CTNNA3: variants seen among roughly 807,000 people sequenced by gnomAD.
The protein encoded by CTNNA3 is catenin alpha 3, also known as catenin alpha-3.
CTNNA3 carries 76 observed loss-of-function variants against 95.7 expected under a neutral mutation model. The observed-to-expected ratio is 0.79, with a 90% confidence interval of 0.66 to 0.96. The LOEUF (loss-of-function observed/expected upper bound fraction) is 0.96, where lower values mean the gene tolerates loss of function less well. Among genes scored for constraint, CTNNA3 ranks in the 40% least tolerant of loss-of-function variants. The pLI is 0.00. For synonymous variants in CTNNA3, 431 were observed against 374.4 expected, an observed-to-expected ratio of 1.15 and a Z score of -1.74; for missense variants, 1,191 against 1,089.8, an observed-to-expected ratio of 1.09 and a Z score of -1.31.
At chr10:67,229,175 A>G (rs971186175) in intron 5 of CTNNA3, among the ~76,000 whole-genome samples, 1 of 152,234 alleles carries the variant, frequency 6.6e-6, no homozygotes, top group South Asian at 2.1e-4. Context: ...TATGCAAGTC[A>G]ATAAATGTGA....
At chr10:66,889,558 A>T (rs771190460) in intron 7 of CTNNA3, among the ~76,000 whole-genome samples, 2 of 152,190 alleles carry the variant, frequency 1.3e-5, no homozygotes, top group Non-Finnish European at 2.9e-5. Context: ...AAAAAAAGAA[A>T]AAAAGATGAC....
chr10:66,500,706 A>C (rs1430832688), intron 11 of CTNNA3, among the ~76,000 whole-genome samples: 4 of 152,168 alleles, frequency 2.6e-5, no homozygotes, highest in Non-Finnish European at 5.9e-5. Flanking sequence ...AATTATTTAG[A>C]TACACAAAAA....
intron 11 of CTNNA3, among the ~76,000 whole-genome samples, chr10:66,449,478 A>C (rs539202231): frequency 6.6e-6 from 1 of 152,220 alleles, no homozygotes; most frequent in African/African-American, 2.4e-5. Flanking sequence ...CAATTGTTTG[A>C]TTTTTGGCAT....
intron 15 of CTNNA3, among the ~76,000 whole-genome samples, chr10:66,000,804 A>G (rs2078756055): frequency 6.6e-6 from 1 of 152,188 alleles, no homozygotes; most frequent in East Asian, 1.9e-4. Context: ...GCAGATGAGC[A>G]AACTGACGAA....
chr10:66,488,975 G>A (rs1027256212), intron 11 of CTNNA3, among the ~76,000 whole-genome samples: 4 of 152,098 alleles, frequency 2.6e-5, no homozygotes, highest in African/African-American at 4.8e-5. Flanking sequence ...TCATTGAGAA[G>A]TAAGTGAAGT....
At chr10:67,401,883 C>T (rs757926676) in intron 5 of CTNNA3, among the ~76,000 whole-genome samples, 2 of 152,104 alleles carry the variant, frequency 1.3e-5, no homozygotes, top group South Asian at 2.1e-4. Flanking sequence ...AATTCTGCAA[C>T]GAAGACACCA....
At chr10:67,379,035 C>T (rs1447680825) in intron 5 of CTNNA3, among the ~76,000 whole-genome samples, 1 of 152,154 alleles carries the variant, frequency 6.6e-6, no homozygotes, top group East Asian at 1.9e-4. Flanking sequence ...GTGTACCTAA[C>T]TGCATCAACC....
chr10:66,939,408 A>G (rs1048364303), intron 7 of CTNNA3, among the ~76,000 whole-genome samples: 2 of 152,216 alleles, frequency 1.3e-5, no homozygotes, highest in Non-Finnish European at 2.9e-5. Flanking sequence ...CTGAGTTAAA[A>G]GGAAAATACT....
chr10:66,870,839 T>G (rs780617129), intron 7 of CTNNA3, among the ~76,000 whole-genome samples: 2 of 152,138 alleles, frequency 1.3e-5, no homozygotes, highest in Non-Finnish European at 2.9e-5. Context: ...CCATAGATTC[T>G]CATACCTAAA....
intron 3 of CTNNA3, among the ~76,000 whole-genome samples, chr10:67,566,879 G>A (rs1232821750): frequency 2.6e-5 from 4 of 151,978 alleles, no homozygotes; most frequent in African/African-American, 7.2e-5. Flanking sequence ...TAGGGACATG[G>A]ATGAAATTGG....
intron 9 of CTNNA3, among the ~76,000 whole-genome samples, chr10:66,693,236 C>A (rs911526907): frequency 1.3e-5 from 2 of 151,976 alleles, no homozygotes; most frequent in Non-Finnish European, 2.9e-5. Flanking sequence ...CAGAGACACA[C>A]ATAGGCTCAA....
At chr10:66,268,068 CTG>C (rs1293715029) in intron 13 of CTNNA3, among the ~76,000 whole-genome samples, 4 of 151,864 alleles carry the variant, frequency 2.6e-5, no homozygotes, top group Admixed American at 6.6e-5. Context: ...TAAAAAATAA[CTG>C]TTATTGTTGA....
chr10:66,185,926 ACT>A (rs979699109), intron 13 of CTNNA3, among the ~76,000 whole-genome samples: 7 of 150,980 alleles, frequency 4.6e-5, no homozygotes, highest in Admixed American at 6.6e-5. Context: ...CTCATCACAC[ACT>A]CTCTCTCTCT....
rs183614821 is a variant in CTNNA3 at position 66,205,759 on chromosome 10, T to C, written c.1884+74711A>G. On this transcript the variant is annotated intron_variant, in intron 13 of 17. Transcript: ENST00000433211. ...TTTTTAAATTCATTGCGATCTGACTTATAATAATATAAAATGATCCATTTA... is the reference window on the plus strand; with the variant it reads ...TTTTTAAATTCATTGCGATCTGACTCATAATAATATAAAATGATCCATTTA... Among the ~76,000 whole-genome samples, 154 of 152,126 alleles carry C rather than the reference T, an allele frequency of 1.0e-3. 1 individual carries two copies. The highest frequency in any genetic ancestry group is 3.6e-3 in the African/African-American group (148 of 41,572).
rs993665874 is a variant in CTNNA3, at chr10:67,249,119, T to C, written c.580-29249A>G. Among the ~76,000 whole-genome samples, 4 of 152,122 alleles carry C rather than the reference T, an allele frequency of 2.6e-5. 1 individual carries two copies. In the South Asian group the frequency reaches 8.3e-4, roughly 32 times the overall value. On this transcript the variant is annotated intron_variant, in intron 5 of 17. Transcript: ENST00000433211. ...CACATTTCATGAAAACTAAAAAATT[T>C]TGCTTATCAAAGAGTACTATAAAGT...
intron 5 of CTNNA3, among the ~76,000 whole-genome samples, chr10:67,389,083 A>G (rs1257266657): frequency 2.0e-5 from 3 of 151,604 alleles, no homozygotes; most frequent in South Asian, 2.1e-4. Context: ...ATGTAAATGG[A>G]CTAAATGCTC....
intron 10 of CTNNA3, among the ~76,000 whole-genome samples, chr10:66,576,082 T>C (rs1480182065): frequency 1.3e-5 from 2 of 152,036 alleles, no homozygotes; most frequent in Non-Finnish European, 2.9e-5. Flanking sequence ...CACAAAGCAG[T>C]GTGTCCATTG....
chr10:66,926,572 A>T (rs773337555), intron 7 of CTNNA3: 12 of 1,613,940 alleles, frequency 7.4e-6, no homozygotes, highest in South Asian at 1.1e-5. Context: ...CGACCTTTGA[A>T]CAATACAAAG....
chr10:67,275,954 G>A (rs148198662), intron 5 of CTNNA3, among the ~76,000 whole-genome samples: 43 of 152,208 alleles, frequency 2.8e-4, no homozygotes, highest in African/African-American at 1.0e-3. Flanking sequence ...ATGGCACTGA[G>A]CATAGTTGGA....
Sources: gnomAD v4.1 joint callset for allele counts (sites outside exome capture counted in the v4.1 genomes callset) on GRCh38, gnomAD v4.1.1 for gene constraint, MANE v1.5 for transcripts, NCBI Gene and HGNC (gene_info 2026-07-23, HGNC 2026-07-21) for gene names.